The following TOX3 variants were observed in gnomAD, a reference collection of about 807,000 sequenced individuals.
TOX3 encodes TOX high mobility group box family member 3, also known as CAG trinucleotide repeat-containing gene F9 protein.
A neutral mutation model predicts 64.3 loss-of-function variants in TOX3; 22 were observed. The ratio of observed to expected loss-of-function variants is 0.34; its 90% CI spans 0.24 to 0.49. The LOEUF (loss-of-function observed/expected upper bound fraction) is 0.49. TOX3 is among the 20% of genes least tolerant of loss of function. The probability of loss-of-function intolerance (pLI) is 0.99; values close to 1 mark genes in which losing one functional copy is unlikely to be tolerated. For synonymous variants in TOX3, 291 were observed against 273.6 expected, an observed-to-expected ratio of 1.06 and a Z score of -0.63; for missense variants, 661 against 714.4, an observed-to-expected ratio of 0.93 and a Z score of 0.85.
At chr16:52,533,656 T>A (rs1215579766) in intron 1 of TOX3, among the ~76,000 whole-genome samples, 1 of 152,060 alleles carries the variant, frequency 6.6e-6, no homozygotes, top group Admixed American at 6.5e-5. Context: ...TAGTCTTAAT[T>A]TCACATTAAT....
chr16:52,488,506 C>G (rs1010666535), intron 1 of TOX3, among the ~76,000 whole-genome samples: 1 of 152,142 alleles, frequency 6.6e-6, no homozygotes, highest in Admixed American at 6.6e-5. Context: ...AATGCTTTAT[C>G]CATAGAAAAG....
chr16:52,476,791 C>T (rs965720951), intron 1 of TOX3, among the ~76,000 whole-genome samples: 2 of 152,002 alleles, frequency 1.3e-5, no homozygotes, highest in Admixed American at 6.6e-5. Context: ...ATCTACTTCT[C>T]TGCAGATGCA....
intron 1 of TOX3, among the ~76,000 whole-genome samples, chr16:52,525,267 G>T (rs1356568313): frequency 6.6e-6 from 1 of 152,000 alleles, no homozygotes; most frequent in Non-Finnish European, 1.5e-5. Flanking sequence ...TGGGGAGGGG[G>T]GTTCTCTATC....
chr16:52,459,425 A>T (rs982427356), intron 3 of TOX3, among the ~76,000 whole-genome samples: 2 of 152,208 alleles, frequency 1.3e-5, no homozygotes, highest in Non-Finnish European at 2.9e-5. Flanking sequence ...TTTAGAGTTC[A>T]TGCAGATAGG....
At chr16:52,479,801 T>A (rs1370430067) in intron 1 of TOX3, among the ~76,000 whole-genome samples, 1 of 152,190 alleles carries the variant, frequency 6.6e-6, no homozygotes, top group Non-Finnish European at 1.5e-5. Context: ...AATCCCAATA[T>A]CGCTGGGAGG....
rs191440360 is a variant in TOX3, at chr16:52,545,657, C to T, written c.87+980G>A. On this transcript the variant is annotated intron_variant, in intron 1 of 6. Transcript: ENST00000219746. ...GCAGGAGGAAGGGGAAAGAAAACCA[C>T]ATTCAAAAGGCACAGGCCATTCAGA... 6.6e-5 allele frequency among the ~76,000 whole-genome samples: 10 copies of T among 152,302 alleles called. No individual in the cohort carries two copies. The East Asian group carries it at 1.9e-3, about 29-fold the overall frequency.
At chr16:52,440,110 G>A in intron 6 of TOX3, 142 bp from the exon 7 acceptor site, 1 of 691,460 alleles carries the variant, frequency 1.4e-6, no homozygotes, top group South Asian at 2.5e-5. Context: ...TTTGTCTTGT[G>A]ACTTTTTCAC....
intron 3 of TOX3, among the ~76,000 whole-genome samples, chr16:52,454,705 T>C (rs1960464173): frequency 6.6e-6 from 1 of 152,196 alleles, no homozygotes. Flanking sequence ...CAGCTCAGTA[T>C]AAAAGTATTT....
At position 52,465,005 on chromosome 16, in the gene TOX3, C is replaced by CTTTTTTTTTTTTTTTTTTTTT. The variant is rs1168498170; in HGVS notation, c.154-838_154-818dup. ...AGACCTAAGTAAGTCTTAATGCATT[C>CTTTTTTTTTTTTTTTTTTTTT]TTTTTTTTTTTTTTTTTTTTTTTTT... On this transcript the variant is annotated intron_variant, in intron 2 of 6. Transcript: ENST00000219746. Among the ~76,000 whole-genome samples the CTTTTTTTTTTTTTTTTTTTTT allele has an allele frequency of 1.1e-4, 8 of 70,956 alleles. 2 individuals carry two copies. Among genetic ancestry groups the CTTTTTTTTTTTTTTTTTTTTT allele is most frequent in the East Asian group, 8.8e-4 (2 of 2,278 alleles). 46.5% of individuals were successfully genotyped at this position (70,956 alleles called of 152,430 possible).
intron 5 of TOX3, 145 bp from the exon 6 acceptor site, chr16:52,444,501 A>G (rs544430140): frequency 1.2e-5 from 3 of 246,966 alleles, no homozygotes; most frequent in African/African-American, 4.9e-5. Context: ...TAGCGCATGC[A>G]CACACACACA....
intron 1 of TOX3, among the ~76,000 whole-genome samples, chr16:52,473,771 A>G (rs951448081): frequency 6.6e-6 from 1 of 152,210 alleles, no homozygotes; most frequent in Middle Eastern, 3.4e-3. Context: ...ACTAAAGACC[A>G]TCTACACCAA....
At position 52,511,259 on chromosome 16, in the gene TOX3, C is replaced by T. The variant is rs202215941; in HGVS notation, c.87+35378G>A. Among the ~76,000 whole-genome samples the T allele has an allele frequency of 1.6e-4, 24 of 152,096 alleles. No individual in the cohort carries two copies. In the East Asian group the frequency reaches 4.1e-3, roughly 26 times the overall value. On this transcript the variant is annotated intron_variant, in intron 1 of 6. Transcript: ENST00000219746. Reference sequence around the variant, plus strand: ...CTGTAATCCCAGCACTTTGGGAGGCCGAGAAGGGTGGATCACGAGGTCAGG... The same window carrying T: ...CTGTAATCCCAGCACTTTGGGAGGCTGAGAAGGGTGGATCACGAGGTCAGG...
At chr16:52,458,804 A>G (rs1960604290) in intron 3 of TOX3, among the ~76,000 whole-genome samples, 1 of 152,176 alleles carries the variant, frequency 6.6e-6, no homozygotes, top group Non-Finnish European at 1.5e-5. Context: ...AAGGCTCTAC[A>G]AAGAAGGCAG....
chr16:52,530,390 G>T (rs919872168), intron 1 of TOX3, among the ~76,000 whole-genome samples: 1 of 151,126 alleles, frequency 6.6e-6, no homozygotes, highest in African/African-American at 2.4e-5. Context: ...AGGCTAAAGT[G>T]CAGTGCCATG....
At chr16:52,471,362 T>A (rs1961041243) in intron 1 of TOX3, among the ~76,000 whole-genome samples, 1 of 152,178 alleles carries the variant, frequency 6.6e-6, no homozygotes, top group South Asian at 2.1e-4. Flanking sequence ...GCTTTAGTCA[T>A]TTGGTGTAAG....
intron 1 of TOX3, among the ~76,000 whole-genome samples, chr16:52,515,053 A>G (rs936867529): frequency 2.0e-5 from 3 of 150,150 alleles, no homozygotes; most frequent in African/African-American, 4.9e-5. Flanking sequence ...CCAAGAGAAT[A>G]TAAGTCCCAT....
chr16:52,487,216 C>T (rs1222370095), intron 1 of TOX3, among the ~76,000 whole-genome samples: 1 of 151,528 alleles, frequency 6.6e-6, no homozygotes, highest in Non-Finnish European at 1.5e-5. Flanking sequence ...AAACTGTTGG[C>T]TTCTGGTAGT....
intron 1 of TOX3, among the ~76,000 whole-genome samples, chr16:52,519,806 T>A (rs1962557623): frequency 6.6e-6 from 1 of 150,462 alleles, no homozygotes; most frequent in Non-Finnish European, 1.5e-5. Context: ...AAAAAAAAAT[T>A]AAAAAATTAG....
At chr16:52,454,092 G>A (rs773752567) in intron 3 of TOX3, among the ~76,000 whole-genome samples, 1 of 152,124 alleles carries the variant, frequency 6.6e-6, no homozygotes, top group Non-Finnish European at 1.5e-5. Context: ...GGGCCCTAGA[G>A]AGCCATGGTA....
Sources: allele counts gnomAD v4.1 joint callset (sites outside exome capture counted in the v4.1 genomes callset), GRCh38; gene constraint gnomAD v4.1.1; transcripts MANE v1.5; gene names NCBI Gene and HGNC (gene_info 2026-07-23, HGNC 2026-07-21).